The following CDK7 variants were observed in gnomAD, a reference collection of about 807,000 sequenced individuals.
CDK7 encodes cyclin dependent kinase 7, also known as cyclin-dependent kinase 7.
A neutral mutation model predicts 49.1 loss-of-function variants in CDK7; 25 were observed. The ratio of observed to expected loss-of-function variants is 0.51; its 90% confidence interval spans 0.37 to 0.71. The LOEUF (loss-of-function observed/expected upper bound fraction) is 0.71, where lower values mean the gene tolerates loss of function less well. Ranked by LOEUF, CDK7 falls within the 30% of genes least tolerant of loss-of-function variation. The pLI is 0.00. For missense variants in CDK7, 316 were observed against 411.7 expected (o/e 0.77, Z 2.01); for synonymous variants, 107 against 140.0 (o/e 0.76, Z 1.67).
intron 8 of CDK7, 108 bp from the exon 9 acceptor site, chr5:69,269,099 C>T (rs1012041873): frequency 1.1e-5 from 7 of 648,618 alleles, no homozygotes; most frequent in Non-Finnish European, 1.6e-5. Flanking sequence ...AGGATTGCAT[C>T]ACTCACTGCA....
In CDK7 at chr5:69,263,781, C is replaced by T. The variant is rs531518537; in HGVS notation, c.627+1477C>T. 6.6e-5 allele frequency among the ~76,000 whole-genome samples: 10 copies of T among 152,262 alleles called. No homozygotes were observed. The East Asian group carries it at 1.7e-3, about 26-fold the overall frequency. On this transcript the variant is annotated intron_variant, in intron 8 of 11. Transcript: ENST00000256443. ...CAAGAAGAAAACAGAATTCCATAGCCCCTAATGTTATGACTGATCACTCCA... is the reference window on the plus strand; with the variant it reads ...CAAGAAGAAAACAGAATTCCATAGCTCCTAATGTTATGACTGATCACTCCA...
intron 9 of CDK7, among the ~76,000 whole-genome samples, chr5:69,272,190 C>G (rs149611046): frequency 2.6e-5 from 4 of 152,208 alleles, no homozygotes; most frequent in Admixed American, 6.5e-5. Flanking sequence ...TTCAAAAATC[C>G]TTTTGGCAGA....
intron 2 of CDK7, among the ~76,000 whole-genome samples, chr5:69,238,813 C>T (rs960535541): frequency 2.2e-4 from 33 of 150,732 alleles, no homozygotes; most frequent in Non-Finnish European, 8.9e-5. Context: ...CTGCCCACCT[C>T]GGCCTCCCAA....
chr5:69,268,332 G>A (rs533789995), intron 8 of CDK7, among the ~76,000 whole-genome samples: 17 of 152,222 alleles, frequency 1.1e-4, no homozygotes, highest in Admixed American at 3.3e-4. Context: ...GGAATGTCTC[G>A]TTTTCCTCTT....
At chr5:69,255,578 A>G (rs1212454428) in intron 5 of CDK7, 50 bp downstream of exon 5, 2 of 1,265,558 alleles carry the variant, frequency 1.6e-6, no homozygotes, top group East Asian at 2.3e-5. Context: ...TTATCAAACA[A>G]GAACCTAAAT....
chr5:69,257,959 A>G (rs1469450121), intron 5 of CDK7, 84 bp from the exon 6 acceptor site: 1 of 754,658 alleles, frequency 1.3e-6, no homozygotes, highest in Non-Finnish European at 2.3e-6. Flanking sequence ...TGATACTTAC[A>G]TTTTAAGTCT....
chr5:69,245,553 C>G (rs1749697798), intron 2 of CDK7, among the ~76,000 whole-genome samples: 1 of 151,822 alleles, frequency 6.6e-6, no homozygotes, highest in Admixed American at 6.6e-5. Context: ...ATTGCCCAGG[C>G]TGGTCTCGAA....
At chr5:69,234,800 G>A, upstream of CDK7, 3 of 632,868 alleles carry the variant, frequency 4.7e-6, no homozygotes, top group East Asian at 5.7e-5. Context: ...GGTGGGGAAC[G>A]CCAACCGCCT....
chr5:69,235,310 TCTTTG>T, intron 1 of CDK7, 79 bp from the exon 2 acceptor site: 8 of 1,048,288 alleles, frequency 7.6e-6, no homozygotes, highest in Non-Finnish European at 1.2e-5. Context: ...AACTCTGGGC[TCTTTG>T]CTTCGCGAAA....
At chr5:69,261,825 G>T (rs114594045) in intron 7 of CDK7, among the ~76,000 whole-genome samples, 1 of 152,264 alleles carries the variant, frequency 6.6e-6, no homozygotes, top group South Asian at 2.1e-4. Context: ...CACCACACCC[G>T]GCCTGAAAAG....
chr5:69,245,838 T>C (rs1651822864), intron 2 of CDK7, among the ~76,000 whole-genome samples: 1 of 152,234 alleles, frequency 6.6e-6, no homozygotes, highest in South Asian at 2.1e-4. Context: ...TCTTGGCGTA[T>C]AGTTACTCAT....
intron 7 of CDK7, 34 bp from the exon 8 acceptor site, chr5:69,262,171 T>G: frequency 6.2e-7 from 1 of 1,612,404 alleles, no homozygotes; most frequent in Non-Finnish European, 8.5e-7. Flanking sequence ...GATAATTTCA[T>G]GCTAAAATGA....
At chr5:69,271,339 A>G (rs956760971) in intron 9 of CDK7, among the ~76,000 whole-genome samples, 1 of 152,012 alleles carries the variant, frequency 6.6e-6, no homozygotes, top group African/African-American at 2.4e-5. Context: ...CATATATTCT[A>G]GATAGTAGTC....
At chr5:69,252,206 G>A (rs1750185947) in intron 2 of CDK7, among the ~76,000 whole-genome samples, 1 of 152,072 alleles carries the variant, frequency 6.6e-6, no homozygotes, top group Non-Finnish European at 1.5e-5. Context: ...AGAAACTTAA[G>A]GGACAAGGGT....
chr5:69,255,437 AT>A, intron 4 of CDK7, 22 bp from the exon 5 acceptor site: 1 of 1,444,412 alleles, frequency 6.9e-7, no homozygotes, highest in Non-Finnish European at 9.5e-7. Flanking sequence ...AGTGAATCAC[AT>A]TTTAATTTTT....
At chr5:69,248,283 TC>T in intron 2 of CDK7, among the ~76,000 whole-genome samples, 1 of 152,330 alleles carries the variant, frequency 6.6e-6, no homozygotes, top group East Asian at 1.9e-4. Flanking sequence ...CTGTAAAGTT[TC>T]TACTGAAAAG....
At chr5:69,250,598 G>A (rs1310691339) in intron 2 of CDK7, 1 of 416,660 alleles carries the variant, frequency 2.4e-6, no homozygotes, top group African/African-American at 2.0e-5. Flanking sequence ...TGTTCCAGGG[G>A]TAGGTCCAGA....
At chr5:69,268,691 A>G (rs1428466842) in intron 8 of CDK7, among the ~76,000 whole-genome samples, 1 of 151,806 alleles carries the variant, frequency 6.6e-6, no homozygotes, top group Admixed American at 6.6e-5. Flanking sequence ...TCTCTACTAA[A>G]AATACAAAAA....
intron 1 of CDK7, 130 bp from the exon 2 acceptor site, chr5:69,235,264 C>T (rs925860177): frequency 1.2e-4 from 98 of 806,752 alleles, no homozygotes; most frequent in South Asian, 4.8e-4. Flanking sequence ...CGGAGACTGA[C>T]CCGCCACGTT....
Sources: gnomAD v4.1 joint callset for allele counts (sites outside exome capture counted in the v4.1 genomes callset) on GRCh38, gnomAD v4.1.1 for gene constraint, MANE v1.5 for transcripts, NCBI Gene and HGNC (gene_info 2026-07-23, HGNC 2026-07-21) for gene names.